Variants in ANKRD12 observed in about 807,000 individuals in gnomAD.
The protein encoded by ANKRD12 is ankyrin repeat domain-containing protein 12.
ANKRD12 carries 85 observed loss-of-function variants against 183.4 expected under a neutral mutation model. The observed-to-expected ratio is 0.46, with a 90% CI of 0.39 to 0.56. The LOEUF is 0.56. Ranked by LOEUF, ANKRD12 falls within the 20% of genes least tolerant of loss-of-function variation. ANKRD12 has a pLI of 0.00. For missense variants in ANKRD12, 2,405 were observed against 2,357.1 expected (o/e 1.02, Z -0.42); for synonymous variants, 914 against 800.2 (o/e 1.14, Z -2.40).
chr18:9,280,634 C>G lies in ANKRD12; in HGVS notation c.6004-307C>G, dbSNP rs199996371. ...TGAAACCCCATCTCTAAGAAAAATA[C>G]AAAAATTAGCTGGGCGTGGTGGCAC... On this transcript the variant is annotated intron_variant, in intron 12 of 12. Coordinates refer to ENST00000262126, the MANE Select transcript of ANKRD12 (RefSeq NM_015208.5). Among the ~76,000 whole-genome samples, 12 of 152,158 alleles carry G rather than the reference C, an allele frequency of 7.9e-5. No homozygotes were observed. The East Asian group carries it at 2.3e-3, about 29-fold the overall frequency.
intron 7 of ANKRD12, among the ~76,000 whole-genome samples, chr18:9,220,537 G>A (rs950036972): frequency 1.2e-4 from 18 of 152,304 alleles, no homozygotes; most frequent in African/African-American, 3.6e-4. Context: ...CTGGCTTCAA[G>A]GCTTCAGTGA....
chr18:9,157,581 G>GTATATATATATATATATATATATA (rs1221750938), intron 1 of ANKRD12, among the ~76,000 whole-genome samples: 5 of 109,336 alleles, frequency 4.6e-5, no homozygotes, highest in Admixed American at 3.8e-4. Flanking sequence ...GTGTGTGTGT[G>GTATATATATATATATATATATATA]TGTGTATATA....
intron 8 of ANKRD12, among the ~76,000 whole-genome samples, chr18:9,246,621 TAAAC>T (rs1169184391): frequency 6.6e-6 from 1 of 152,362 alleles, no homozygotes; most frequent in East Asian, 1.9e-4. Flanking sequence ...AGTACAATGT[TAAAC>T]AAATAAGGGA....
chr18:9,204,150 C>G (rs146624964), intron 3 of ANKRD12, among the ~76,000 whole-genome samples: 12 of 152,246 alleles, frequency 7.9e-5, no homozygotes, highest in Non-Finnish European at 1.8e-4. Flanking sequence ...AGAGTACTGG[C>G]TCTTTTACTG....
At chr18:9,201,180 G>A (rs946173329) in intron 3 of ANKRD12, among the ~76,000 whole-genome samples, 11 of 152,162 alleles carry the variant, frequency 7.2e-5, no homozygotes, top group Non-Finnish European at 1.6e-4. Flanking sequence ...TATAGGTATC[G>A]TATAATATCT....
intron 6 of ANKRD12, among the ~76,000 whole-genome samples, chr18:9,216,363 A>G (rs925074743): frequency 1.3e-5 from 2 of 152,238 alleles, no homozygotes; most frequent in East Asian, 3.9e-4. Context: ...TTAAATAACA[A>G]TTTTTCTCTA....
Position 9,258,599 on chromosome 18 carries a change from G to A in ANKRD12, c.5332G>A (p.Asp1778Asn), listed in dbSNP as rs750989527. Reference sequence around the variant, plus strand: ...AAGAATAAGATTAACTGAAGATGACGATCCTCAAATTCACCATCCACGGAA... The same window carrying A: ...AAGAATAAGATTAACTGAAGATGACAATCCTCAAATTCACCATCCACGGAA... ...RGRIRLTEDD[D>N]PQIHHPRKRK... The change falls in exon 9 of 13, where the codon GAT (aspartate) becomes AAT (asparagine). Residue 1778 changes from aspartate (D) to asparagine (N), a missense_variant. Physicochemically the swap from Asp to Asn is conservative, Grantham distance 23. This residue lies in a region of ANKRD12 where 1,983 missense variants were observed against 1,725.9 expected (regional missense o/e 1.15). Transcript: ENST00000262126. 6.2e-7 allele frequency: 1 copy of A among 1,613,764 alleles called. No homozygotes were observed. The highest frequency in any genetic ancestry group is 1.1e-5 in the South Asian group (1 of 91,020).
chr18:9,136,950 G>C lies in ANKRD12; in HGVS notation c.-67G>C, dbSNP rs1018545180. 2 of 152,244 alleles carry C rather than the reference G, an allele frequency of 1.3e-5. No homozygotes were observed. Among genetic ancestry groups the C allele is most frequent in the Non-Finnish European group, 2.9e-5 (2 of 68,100 alleles). 9.4% of individuals were successfully genotyped at this position (152,244 alleles called of 1,614,324 possible). On this transcript the variant is annotated 5_prime_UTR_variant, in exon 1 of 13. Transcript: ENST00000262126. ...TCGTTCCGGGGGTGAAGCCTCCTGC[G>C]CCGGCCTTGCCTCGGGTCCGTACGG...
chr18:9,211,092 C>T (rs999983991), intron 5 of ANKRD12, among the ~76,000 whole-genome samples: 3 of 151,856 alleles, frequency 2.0e-5, no homozygotes, highest in Non-Finnish European at 4.4e-5. Context: ...TTCCAGACTA[C>T]CCTTATTTTT....
chr18:9,144,665 T>A (rs142461787), intron 1 of ANKRD12, among the ~76,000 whole-genome samples: 96 of 152,318 alleles, frequency 6.3e-4, no homozygotes, highest in African/African-American at 2.2e-3. Context: ...TGCAAAAATC[T>A]TAACGAGGTT....
intron 1 of ANKRD12, among the ~76,000 whole-genome samples, chr18:9,158,159 A>G (rs1289195638): frequency 6.6e-6 from 1 of 152,230 alleles, no homozygotes; most frequent in African/African-American, 2.4e-5. Flanking sequence ...TTAGATGTAC[A>G]GAAAAACTGT....
chr18:9,150,354 C>G (rs1418300766), intron 1 of ANKRD12, among the ~76,000 whole-genome samples: 1 of 152,086 alleles, frequency 6.6e-6, no homozygotes, highest in African/African-American at 2.4e-5. Context: ...GAGTTCTACC[C>G]AGAACGCTGT....
chr18:9,247,500 T>C (rs1183881204), intron 8 of ANKRD12, among the ~76,000 whole-genome samples: 2 of 152,164 alleles, frequency 1.3e-5, no homozygotes, highest in African/African-American at 2.4e-5. Flanking sequence ...TTTTAAATTA[T>C]AGGGCTGCTT....
In ANKRD12 at chr18:9,168,309, TGTACCTCTG is replaced by T. The variant is rs752556819; in HGVS notation, c.-51-14069_-51-14061del. On this transcript the variant is annotated intron_variant, in intron 1 of 12. Coordinates refer to ENST00000262126, the MANE Select transcript of ANKRD12 (RefSeq NM_015208.5). ...AGAAGGATTGGTATCAGCTCCTCCT[TGTACCTCTG>T]GTAGAATTCGGCTGTGAATCCATCT... 2.7e-3 allele frequency among the ~76,000 whole-genome samples: 412 copies of T among 152,318 alleles called. 1 individual carries two copies. The highest frequency in any genetic ancestry group is 2.8e-3 in the Non-Finnish European group (189 of 68,022).
rs1002746353 is a variant in ANKRD12 at position 9,159,524 on chromosome 18, C to T, written c.-52+22559C>T. ...TCGGCTCACTGGAATCTCTGCCTCCCGGGTTCCTGCCATTCTCCTGCCTCA... is the reference window on the plus strand; with the variant it reads ...TCGGCTCACTGGAATCTCTGCCTCCTGGGTTCCTGCCATTCTCCTGCCTCA... On this transcript the variant is annotated intron_variant, in intron 1 of 12. Transcript: ENST00000262126. 1.1e-4 allele frequency among the ~76,000 whole-genome samples: 17 copies of T among 151,490 alleles called. No homozygotes were observed. In the South Asian group the frequency reaches 3.6e-3, roughly 32 times the overall value.
intron 4 of ANKRD12, among the ~76,000 whole-genome samples, chr18:9,206,367 A>G (rs1456010745): frequency 6.7e-6 from 1 of 150,110 alleles, no homozygotes; most frequent in Non-Finnish European, 1.5e-5. Flanking sequence ...GAAGTAGCTA[A>G]CTCTTTATAA....
At position 9,233,009 on chromosome 18, in the gene ANKRD12, C is replaced by G. The variant is rs141720304; in HGVS notation, c.943+11010C>G. Among the ~76,000 whole-genome samples, 511 of 152,058 alleles carry G rather than the reference C, an allele frequency of 3.4e-3. 3 individuals carry two copies. The highest frequency in any genetic ancestry group is 0.012 in the African/African-American group (488 of 41,480). ...GGATTACTGGTGTGCACCACCACGC[C>G]TGGATAATTTCTTGCATTTTTTAAA... On this transcript the variant is annotated intron_variant, in intron 8 of 12. Coordinates refer to ENST00000262126, the MANE Select transcript of ANKRD12 (RefSeq NM_015208.5).
In ANKRD12 at chr18:9,255,264, A is replaced by T; in HGVS notation, c.1997A>T (p.Lys666Ile). The T allele has an allele frequency of 6.4e-7, 1 of 1,571,986 alleles. No individual in the cohort carries two copies. Among genetic ancestry groups the T allele is most frequent in the Non-Finnish European group, 8.6e-7 (1 of 1,167,744 alleles). ...KHKEREKEKHKKEIEGEKEKY... is the reference protein window; with the variant it reads ...KHKEREKEKHIKEIEGEKEKY... ...AAAGAGAGGGAAAAAGAAAAGCATA[A>T]AAAAGAAATTGAAGGTGAAAAGGAA... is the stretch of plus-strand genomic sequence containing the variant. The change falls in exon 9 of 13, where the codon AAA becomes ATA. Residue 666 changes from lysine to isoleucine, a missense_variant. Lys to Ile is a moderately radical substitution (Grantham distance 102). Around this residue, in one of 7 missense-constraint regions of ANKRD12, gnomAD observed 1,983 missense variants for 1,725.9 expected, o/e 1.15. Transcript: ENST00000262126.
intron 1 of ANKRD12, among the ~76,000 whole-genome samples, chr18:9,161,480 A>G (rs1050724348): frequency 2.0e-5 from 3 of 151,912 alleles, no homozygotes; most frequent in East Asian, 1.9e-4. Flanking sequence ...GGTTCACACC[A>G]TTCTCCTGCC....
Sources: allele counts gnomAD v4.1 joint callset (sites outside exome capture counted in the v4.1 genomes callset), GRCh38; gene constraint gnomAD v4.1.1; regional missense constraint gnomAD v4.1.1; transcripts MANE v1.5; gene names NCBI Gene and HGNC (gene_info 2026-07-23, HGNC 2026-07-21).